Variants in CAMK1D observed in about 807,000 individuals in gnomAD.
CAMK1D encodes the protein calcium/calmodulin dependent protein kinase ID, also known as calcium/calmodulin-dependent protein kinase type 1D.
CAMK1D carries 9 observed loss-of-function variants against 47.7 expected under a neutral mutation model. The ratio of observed to expected loss-of-function variants is 0.19; its 90% CI spans 0.11 to 0.33. The LOEUF is 0.33. Among genes scored for constraint, CAMK1D ranks in the 10% least tolerant of loss-of-function variants. CAMK1D has a pLI of 1.00. For missense variants in CAMK1D, 291 were observed against 488.7 expected (o/e 0.60, Z 3.81); for synonymous variants, 184 against 184.9 (o/e 0.99, Z 0.04).
chr10:12,383,598 A>G (rs547919342), intron 1 of CAMK1D, among the ~76,000 whole-genome samples: 146 of 152,392 alleles, frequency 9.6e-4, no homozygotes, highest in Non-Finnish European at 1.6e-3. Context: ...TAGTACAAGC[A>G]TAAAGAATAT....
intron 1 of CAMK1D, among the ~76,000 whole-genome samples, chr10:12,391,976 A>AAC (rs10659393): frequency 0.16 from 22,686 of 143,014 alleles, 1,914 homozygotes; most frequent in Non-Finnish European, 0.2. Flanking sequence ...CTTGTCTTAA[A>AAC]ACACACACAC....
At chr10:12,804,588 A>G (rs1838634284) in intron 6 of CAMK1D, among the ~76,000 whole-genome samples, 1 of 122,680 alleles carries the variant, frequency 8.2e-6, no homozygotes. Flanking sequence ...ACAGAGTGAG[A>G]CTCCGTCTCA....
rs1057273134 is a variant in CAMK1D at position 12,481,654 on chromosome 10, C to T, written c.93-71571C>T. Among the ~76,000 whole-genome samples, 11 of 152,244 alleles carry T rather than the reference C, an allele frequency of 7.2e-5. No individual in the cohort carries two copies. In the South Asian group the frequency reaches 1.5e-3, roughly 20 times the overall value. ...CCTCCTGAGCAGCCGCGATTACAGG[C>T]GTGTACCACCACGCCCGGCTAATTT... On this transcript the variant is annotated intron_variant, in intron 1 of 10. Coordinates refer to ENST00000619168, the MANE Select transcript of CAMK1D (RefSeq NM_153498.4).
intron 1 of CAMK1D, among the ~76,000 whole-genome samples, chr10:12,380,193 T>C (rs1417619166): frequency 6.6e-6 from 1 of 151,876 alleles, no homozygotes; most frequent in African/African-American, 2.4e-5. Context: ...CCAGCCTGGG[T>C]GACAGAGCGA....
intron 2 of CAMK1D, among the ~76,000 whole-genome samples, chr10:12,649,126 C>A (rs1000300469): frequency 6.6e-6 from 1 of 152,220 alleles, no homozygotes; most frequent in Non-Finnish European, 1.5e-5. Context: ...CTTTGTCTCT[C>A]GAGTAGCTGG....
chr10:12,678,919 T>G (rs1840900542), intron 3 of CAMK1D, among the ~76,000 whole-genome samples: 1 of 152,094 alleles, frequency 6.6e-6, no homozygotes, highest in Admixed American at 6.5e-5. Context: ...TGCACCATCA[T>G]GCCCAGCTAA....
intron 2 of CAMK1D, among the ~76,000 whole-genome samples, chr10:12,610,997 G>A (rs1838601831): frequency 1.3e-5 from 2 of 152,148 alleles, no homozygotes; most frequent in Admixed American, 1.3e-4. Flanking sequence ...GCACTCTTAG[G>A]AGTACTTTAT....
chr10:12,622,973 A>ACTGC (rs1389178852), intron 2 of CAMK1D, among the ~76,000 whole-genome samples: 1 of 151,508 alleles, frequency 6.6e-6, no homozygotes, highest in Admixed American at 6.6e-5. Flanking sequence ...GGTGGGAGTC[A>ACTGC]CTGCCTTCCC....
Position 12,791,367 on chromosome 10 carries a change from A to G in CAMK1D, c.641+134A>G, listed in dbSNP as rs996570931. The G allele has an allele frequency of 4.3e-6, 3 of 697,408 alleles. No individual in the cohort carries two copies. The African/African-American group carries it at 5.3e-5, about 12-fold the overall frequency. 43.2% of individuals were successfully genotyped at this position (697,408 alleles called of 1,614,324 possible). A position where few individuals can be genotyped will look rare whatever the true frequency, so the allele number is the denominator to read the frequency against. On this transcript the variant is annotated intron_variant, in intron 6 of 10. Coordinates refer to ENST00000619168, the MANE Select transcript of CAMK1D (RefSeq NM_153498.4). Reference sequence around the variant, plus strand: ...AGTTCAGGGCCATGTTTAAGGGTACAGTTCAGTGGCATTAAGTCCATTCAC... The same window carrying G: ...AGTTCAGGGCCATGTTTAAGGGTACGGTTCAGTGGCATTAAGTCCATTCAC...
At chr10:12,715,696 G>A (rs150148805) in intron 3 of CAMK1D, among the ~76,000 whole-genome samples, 3,079 of 150,634 alleles carry the variant, frequency 0.02, 53 homozygotes, top group South Asian at 0.045. Context: ...CTTGGATCTC[G>A]GGGGGAGAAG....
chr10:12,571,042 G>A (rs1392997279), intron 2 of CAMK1D, among the ~76,000 whole-genome samples: 1 of 152,160 alleles, frequency 6.6e-6, no homozygotes, highest in African/African-American at 2.4e-5. Flanking sequence ...CCAAAATGCA[G>A]TTGTTCCCCA....
intron 1 of CAMK1D, among the ~76,000 whole-genome samples, chr10:12,436,824 C>G (rs143852077): frequency 1.3e-5 from 2 of 152,148 alleles, no homozygotes; most frequent in African/African-American, 4.8e-5. Context: ...AGTGCCCATG[C>G]GTTGGTCCCC....
chr10:12,812,642 C>T (rs1832652554), intron 6 of CAMK1D, among the ~76,000 whole-genome samples: 1 of 152,086 alleles, frequency 6.6e-6, no homozygotes, highest in South Asian at 2.1e-4. Flanking sequence ...AAAAGAACTG[C>T]CACCGTGGCT....
chr10:12,714,075 C>T (rs965188561), intron 3 of CAMK1D, among the ~76,000 whole-genome samples: 33 of 152,316 alleles, frequency 2.2e-4, no homozygotes, highest in Middle Eastern at 3.4e-3. Context: ...TAAGGACATC[C>T]CTGCCACAGC....
chr10:12,457,650 G>A (rs376762932), intron 1 of CAMK1D, among the ~76,000 whole-genome samples: 19 of 151,064 alleles, frequency 1.3e-4, no homozygotes, highest in South Asian at 2.1e-4. Context: ...GTGTAGTGGC[G>A]CGAGCCTGTA....
At chr10:12,621,437 T>C (rs1350690784) in intron 2 of CAMK1D, among the ~76,000 whole-genome samples, 2 of 152,236 alleles carry the variant, frequency 1.3e-5, no homozygotes, top group Non-Finnish European at 2.9e-5. Flanking sequence ...ATCTTTGGCT[T>C]CTTTCATCAG....
chr10:12,478,182 ATTTT>A, intron 1 of CAMK1D, among the ~76,000 whole-genome samples: 1 of 149,344 alleles, frequency 6.7e-6, no homozygotes, highest in African/African-American at 2.5e-5. Context: ...ATTTTTTTGT[ATTTT>A]TTTAGTAGAG....
chr10:12,505,263 G>A (rs45590541), intron 1 of CAMK1D, among the ~76,000 whole-genome samples: 1 of 152,152 alleles, frequency 6.6e-6, no homozygotes, highest in Admixed American at 6.5e-5. Context: ...ATGGCTCCTG[G>A]GAGTCTTCAA....
intron 1 of CAMK1D, among the ~76,000 whole-genome samples, chr10:12,404,721 G>A (rs1408201217): frequency 6.7e-6 from 1 of 150,186 alleles, no homozygotes; most frequent in Non-Finnish European, 1.5e-5. Flanking sequence ...TTGAGATGGA[G>A]TCTCACTCTG....
Sources: gnomAD v4.1 joint callset for allele counts (sites outside exome capture counted in the v4.1 genomes callset) on GRCh38, gnomAD v4.1.1 for gene constraint, MANE v1.5 for transcripts, NCBI Gene and HGNC (gene_info 2026-07-23, HGNC 2026-07-21) for gene names.